POLQ: variants seen among roughly 807,000 people sequenced by gnomAD.
POLQ encodes DNA polymerase theta.
Under a neutral mutation model 259.2 loss-of-function variants are expected in POLQ, and 233 were observed. That is an observed-to-expected ratio of 0.90 (90% CI 0.81 to 1.00). The LOEUF (loss-of-function observed/expected upper bound fraction) is 1.00. Ranked by LOEUF, POLQ falls within the 50% of genes least tolerant of loss-of-function variation. POLQ has a pLI of 0.00. For missense variants in POLQ, 2,871 were observed against 3,051.6 expected (o/e 0.94, Z 1.39); for synonymous variants, 1,025 against 1,048.8 (o/e 0.98, Z 0.44).
intron 24 of POLQ, among the ~76,000 whole-genome samples, chr3:121,462,255 A>G (rs1323318696): frequency 6.6e-6 from 1 of 152,134 alleles, no homozygotes; most frequent in Non-Finnish European, 1.5e-5. Flanking sequence ...AATTGGACAA[A>G]TTATATGGGA....
In POLQ at chr3:121,488,581, T is replaced by A. The variant is rs1302492283; in HGVS notation, c.4350A>T (p.Gln1450His). The change falls in exon 16 of 30, where the codon CAA (glutamine) becomes CAT (histidine). Residue 1450 changes from glutamine to histidine, a missense_variant. Physicochemically the swap from Gln to His is conservative, Grantham distance 24 (BLOSUM62 0). Around this residue, in one of 3 missense-constraint regions of POLQ, gnomAD observed 2,080 missense variants for 2,126.0 expected, o/e 0.98. Transcript: ENST00000264233. ...SQLNSFLQGYQTQETVKPVIL... is the reference protein window; with the variant it reads ...SQLNSFLQGYHTQETVKPVIL... ...TAACTGGTTTCACAGTTTCTTGTGT[T>A]TGATAACCTTGAAGAAAACTATTTA... 6.2e-7 allele frequency: 1 copy of A among 1,610,240 alleles called. No individual in the cohort carries two copies. Among genetic ancestry groups the A allele is most frequent in the Admixed American group, 1.7e-5 (1 of 59,208 alleles).
chr3:121,500,331 G>A (rs2048157537), intron 12 of POLQ, among the ~76,000 whole-genome samples: 1 of 147,932 alleles, frequency 6.8e-6, no homozygotes, highest in East Asian at 2.0e-4. Context: ...TTATTATGTT[G>A]CCCAGGTTGG....
At chr3:121,476,280 C>T (rs2047924693) in intron 20 of POLQ, among the ~76,000 whole-genome samples, 1 of 152,168 alleles carries the variant, frequency 6.6e-6, no homozygotes, top group South Asian at 2.1e-4. Flanking sequence ...AGTCCCTCCT[C>T]CGTTCCAGGC....
At chr3:121,444,887 T>C (rs1453675173) in intron 26 of POLQ, among the ~76,000 whole-genome samples, 17 of 152,258 alleles carry the variant, frequency 1.1e-4, no homozygotes, top group Non-Finnish European at 2.9e-5. Context: ...TCTGTTGATA[T>C]GATGTATCAC....
rs763372947 is a variant in POLQ at position 121,510,112 on chromosome 3, C to T, written c.1743G>A (p.Ala581=). The T allele has an allele frequency of 2.3e-5, 37 of 1,613,976 alleles. No homozygotes were observed. Among genetic ancestry groups the T allele is most frequent in the Non-Finnish European group, 2.7e-5 (32 of 1,179,970 alleles). Residue 581 remains alanine, a synonymous_variant, in exon 11 of 30, where the codon GCG becomes GCA. Coordinates refer to ENST00000264233, the MANE Select transcript of POLQ (RefSeq NM_199420.4). The part of the protein sequence containing the change: ...QRNQESVQLG[A]IEACVMWLLE... ...GTAGCCACATCACACAGGCCTCAAT[C>T]GCTCCAAGCTGAACAGACTCTTGAT...
intron 27 of POLQ, 127 bp from the exon 28 acceptor site, chr3:121,436,402 G>C: frequency 1.3e-6 from 1 of 767,724 alleles, no homozygotes; most frequent in Non-Finnish European, 2.2e-6. Context: ...ATGCAACCCA[G>C]AACACCAACT....
rs561284898 is a variant in POLQ, at chr3:121,522,397, C to T, written c.1109-248G>A. ...CGCAATCTCGGCTCACTGCAAGCTC[C>T]GCTTCCCGGGTTCACGCCATTCTCC... is the stretch of plus-strand genomic sequence containing the variant. On this transcript the variant is annotated intron_variant, in intron 7 of 29. Transcript: ENST00000264233. Among the ~76,000 whole-genome samples the T allele has an allele frequency of 3.6e-3, 530 of 146,154 alleles. 4 individuals carry two copies. The highest frequency in any genetic ancestry group is 0.013 in the African/African-American group (504 of 39,940).
intron 7 of POLQ, among the ~76,000 whole-genome samples, chr3:121,526,171 TG>T (rs1186415305): frequency 6.6e-6 from 1 of 152,188 alleles, no homozygotes; most frequent in Non-Finnish European, 1.5e-5. Flanking sequence ...CAAGGGGTTC[TG>T]GATGGCCCAA....
At chr3:121,495,252 C>A (rs1382705448) in intron 14 of POLQ, among the ~76,000 whole-genome samples, 2 of 150,526 alleles carry the variant, frequency 1.3e-5, no homozygotes, top group African/African-American at 2.4e-5. Flanking sequence ...GCCTGGGCAA[C>A]AAGAGAGAAA....
intron 25 of POLQ, among the ~76,000 whole-genome samples, chr3:121,458,083 T>C (rs1334509147): frequency 6.6e-5 from 10 of 152,114 alleles, no homozygotes; most frequent in Admixed American, 3.9e-4. Context: ...ATGTCCTTTG[T>C]AGGGACATGG....
At chr3:121,495,848 C>CA (rs34476932) in intron 14 of POLQ, among the ~76,000 whole-genome samples, 2,490 of 27,174 alleles carry the variant, frequency 0.092, 169 homozygotes, top group Non-Finnish European at 0.11. Context: ...GACTCTGTCT[C>CA]AAAAAAAAAA....
intron 9 of POLQ, among the ~76,000 whole-genome samples, chr3:121,517,811 G>C (rs2048308782): frequency 1.3e-5 from 2 of 152,142 alleles, no homozygotes; most frequent in African/African-American, 2.4e-5. Flanking sequence ...ACACACTACA[G>C]CCATCATATA....
At position 121,468,384 on chromosome 3, in the gene POLQ, A is replaced by G; in HGVS notation, c.6766T>C (p.Phe2256Leu). Residue 2256 changes from phenylalanine to leucine, a missense_variant, in exon 23 of 30, where the codon TTT becomes CTT. By Grantham distance (22) the Phe-to-Leu change is conservative. This residue lies in a region of POLQ where 2,080 missense variants were observed against 2,126.0 expected (regional missense o/e 0.98). Transcript: ENST00000264233. Reference protein sequence around the residue: ...EPNIQNVPRDFEIKMPTLVGE... With the variant: ...EPNIQNVPRDLEIKMPTLVGE... ...ACTAGTGTTGGCATTTTGATTTCAA[A>G]ATCTCTTGGCACATTCTGAATATTT... 6.2e-7 allele frequency: 1 copy of G among 1,611,630 alleles called. No individual in the cohort carries two copies. The highest frequency in any genetic ancestry group is 1.1e-5 in the South Asian group (1 of 91,024).
At chr3:121,485,897 C>T (rs531693990) in intron 16 of POLQ, among the ~76,000 whole-genome samples, 12 of 152,310 alleles carry the variant, frequency 7.9e-5, no homozygotes, top group African/African-American at 2.6e-4. Flanking sequence ...ATACTCAAAC[C>T]TTTATGAACA....
At chr3:121,533,744 G>A (rs547767506) in intron 5 of POLQ, among the ~76,000 whole-genome samples, 3 of 152,146 alleles carry the variant, frequency 2.0e-5, no homozygotes, top group East Asian at 1.9e-4. Context: ...TCGAACTCCC[G>A]ACCTTGTGAT....
intron 2 of POLQ, 58 bp downstream of exon 2, chr3:121,544,669 G>A: frequency 8.9e-7 from 1 of 1,124,000 alleles, no homozygotes; most frequent in Non-Finnish European, 1.3e-6. Context: ...TACCTCAATA[G>A]AGTATTCTTT....
chr3:121,437,983 G>A (rs1297380374), intron 27 of POLQ, among the ~76,000 whole-genome samples: 3 of 152,110 alleles, frequency 2.0e-5, no homozygotes, highest in Non-Finnish European at 4.4e-5. Flanking sequence ...CTGGGAAGGC[G>A]ATGGGTGGTG....
At chr3:121,433,063 C>G in intron 28 of POLQ, 30 bp from the exon 29 acceptor site, 1 of 1,150,314 alleles carries the variant, frequency 8.7e-7, no homozygotes, top group Non-Finnish European at 1.3e-6. Flanking sequence ...CAAAACTGAT[C>G]AGCATGTCGC....
At chr3:121,494,319 A>C in intron 14 of POLQ, 3 of 1,598,154 alleles carry the variant, frequency 1.9e-6, no homozygotes, top group Non-Finnish European at 2.5e-6. Flanking sequence ...GCCATCCTCT[A>C]TAAGCGGCTG....
Sources: gnomAD v4.1 joint callset for allele counts (sites outside exome capture counted in the v4.1 genomes callset) on GRCh38, gnomAD v4.1.1 for gene constraint, gnomAD v4.1.1 regional missense constraint, MANE v1.5 for transcripts, NCBI Gene and HGNC (gene_info 2026-07-23, HGNC 2026-07-21) for gene names.